The following MRTFA variants were observed in gnomAD, a reference collection of about 807,000 sequenced individuals.
The protein encoded by MRTFA is myocardin related transcription factor A.
In MRTFA, 20 loss-of-function variants were observed where a neutral mutation model predicts 83.5. The ratio of observed to expected loss-of-function variants is 0.24; its 90% confidence interval spans 0.17 to 0.35. The LOEUF (loss-of-function observed/expected upper bound fraction) is 0.35. MRTFA is among the 10% of genes least tolerant of loss of function. MRTFA has a pLI of 1.00. For synonymous variants in MRTFA, 659 were observed against 541.2 expected (o/e 1.22, Z -3.02); for missense variants, 1,200 against 1,224.7 (o/e 0.98, Z 0.30).
At chr22:40,634,347 C>T (rs1491001783) in intron 1 of MRTFA, among the ~76,000 whole-genome samples, 1 of 152,210 alleles carries the variant, frequency 6.6e-6, no homozygotes, top group Non-Finnish European at 1.5e-5. Context: ...CCTGCCTTGG[C>T]CTCCCGAAGT....
chr22:40,445,609 C>T (rs1013136271), intron 4 of MRTFA, among the ~76,000 whole-genome samples: 9 of 151,976 alleles, frequency 5.9e-5, no homozygotes, highest in South Asian at 2.1e-4. Flanking sequence ...ATCTCGATGG[C>T]GCAATCTCGG....
chr22:40,583,690 A>G (rs2055982586), intron 2 of MRTFA, among the ~76,000 whole-genome samples: 1 of 152,188 alleles, frequency 6.6e-6, no homozygotes. Context: ...CAGGAGCACA[A>G]GCCCTACTGT....
intron 3 of MRTFA, among the ~76,000 whole-genome samples, chr22:40,544,685 G>T (rs1302217277): frequency 2.0e-5 from 3 of 152,184 alleles, no homozygotes; most frequent in African/African-American, 4.8e-5. Context: ...ACAATAGAAA[G>T]AGTAGGCAAA....
Position 40,418,782 on chromosome 22 carries a change from C to T in MRTFA, c.1956G>A (p.Lys652=), listed in dbSNP as rs1470330866. 1.9e-6 allele frequency: 3 copies of T among 1,581,098 alleles called. No individual in the cohort carries two copies. In the African/African-American group the frequency reaches 4.0e-5, roughly 21 times the overall value. Residue 652 remains lysine (K), a synonymous_variant, in exon 12 of 15, where the codon AAG becomes AAA. Coordinates refer to ENST00000355630, the MANE Select transcript of MRTFA (RefSeq NM_020831.6). ...CTCGCTTCTCCTGCTCCAGCTGCAGCTTGAGCCGCTCCACCAGCTGCTGCT... is the reference window on the plus strand; with the variant it reads ...CTCGCTTCTCCTGCTCCAGCTGCAGTTTGAGCCGCTCCACCAGCTGCTGCT...
chr22:40,546,525 C>T (rs934221150), intron 3 of MRTFA, among the ~76,000 whole-genome samples: 1 of 152,182 alleles, frequency 6.6e-6, no homozygotes, highest in African/African-American at 2.4e-5. Flanking sequence ...CTTATTTGAT[C>T]TGCAACAAAA....
intron 3 of MRTFA, among the ~76,000 whole-genome samples, chr22:40,473,700 G>C (rs996960594): frequency 1.9e-4 from 29 of 152,188 alleles, no homozygotes; most frequent in Non-Finnish European, 4.0e-4. Context: ...TTGGGTGCTA[G>C]CCTTAAGTGA....
intron 5 of MRTFA, among the ~76,000 whole-genome samples, chr22:40,434,581 G>A (rs978800666): frequency 1.3e-5 from 2 of 152,042 alleles, no homozygotes; most frequent in African/African-American, 4.8e-5. Context: ...AATTACCCAG[G>A]CGTGGTGGCG....
chr22:40,456,367 T>A (rs990577636), intron 4 of MRTFA, among the ~76,000 whole-genome samples: 1 of 152,058 alleles, frequency 6.6e-6, no homozygotes, highest in African/African-American at 2.4e-5. Context: ...CTGCACCTAT[T>A]CTGGTTCGGG....
intron 3 of MRTFA, among the ~76,000 whole-genome samples, chr22:40,470,547 G>A (rs2053892054): frequency 6.6e-6 from 1 of 151,510 alleles, no homozygotes; most frequent in Non-Finnish European, 1.5e-5. Context: ...TAAGAAACTA[G>A]ATGAATATGA....
At chr22:40,619,744 G>T (rs1009716541) in intron 1 of MRTFA, among the ~76,000 whole-genome samples, 1 of 151,692 alleles carries the variant, frequency 6.6e-6, no homozygotes, top group Non-Finnish European at 1.5e-5. Context: ...AAAAAAATTA[G>T]CTGGGCGTGG....
At chr22:40,569,844 C>T (rs12484020) in intron 2 of MRTFA, 1 of 153,136 alleles carries the variant, frequency 6.5e-6, no homozygotes, top group African/African-American at 2.4e-5. Flanking sequence ...GCCCTATACC[C>T]TGGGCCTCAG....
At position 40,463,167 on chromosome 22, in the gene MRTFA, C is replaced by G. The variant is rs147211388; in HGVS notation, c.307+54G>C. The stretch of plus-strand genomic sequence containing the variant: ...TGCTTCCCATGGCATACTCGGTGAA[C>G]ACAGCCATGTCCTAAAAGCAATCTA... On this transcript the variant is annotated intron_variant, in intron 4 of 14. Transcript: ENST00000355630. 1.5e-3 allele frequency: 2,228 copies of G among 1,469,158 alleles called. 17 individuals are homozygous for G. In the African/African-American group the frequency reaches 0.026, roughly 17 times the overall value. 91.0% of individuals were successfully genotyped at this position (1,469,158 alleles called of 1,614,324 possible). A position where few individuals can be genotyped will look rare whatever the true frequency, so the allele number is the denominator to read the frequency against.
chr22:40,533,694 G>A (rs982296475), intron 3 of MRTFA: 9 of 1,055,730 alleles, frequency 8.5e-6, no homozygotes, highest in Non-Finnish European at 1.1e-5. Context: ...AAAGTCACAG[G>A]AGAAAAGCTG....
intron 3 of MRTFA, among the ~76,000 whole-genome samples, chr22:40,540,581 A>C (rs1047324223): frequency 6.6e-6 from 1 of 152,012 alleles, no homozygotes; most frequent in Non-Finnish European, 1.5e-5. Flanking sequence ...GGGGTTCGAG[A>C]CCAACCTGAC....
At chr22:40,493,283 C>A (rs1414299189) in intron 3 of MRTFA, among the ~76,000 whole-genome samples, 1 of 152,224 alleles carries the variant, frequency 6.6e-6, no homozygotes, top group Non-Finnish European at 1.5e-5. Context: ...CCACCATATT[C>A]TTCTCCCTAC....
At chr22:40,413,655 G>C (rs1279166270) in intron 14 of MRTFA, among the ~76,000 whole-genome samples, 1 of 152,112 alleles carries the variant, frequency 6.6e-6, no homozygotes, top group Non-Finnish European at 1.5e-5. Flanking sequence ...ATGTTAGCCA[G>C]GATGGTCTCG....
At position 40,481,025 on chromosome 22, in the gene MRTFA, C is replaced by T. The variant is rs535130973; in HGVS notation, c.242-17739G>A. ...TCCTTGCCTGTAGTCCTAGCTGCTCCGGAAGCTGAGGGGTTGAGGCTGCAG... is the reference window on the plus strand; with the variant it reads ...TCCTTGCCTGTAGTCCTAGCTGCTCTGGAAGCTGAGGGGTTGAGGCTGCAG... On this transcript the variant is annotated intron_variant, in intron 3 of 14. Transcript: ENST00000355630. 1.7e-3 allele frequency among the ~76,000 whole-genome samples: 265 copies of T among 151,970 alleles called. 1 individual carries two copies. In the Middle Eastern group the frequency reaches 0.031, roughly 18 times the overall value.
intron 4 of MRTFA, among the ~76,000 whole-genome samples, chr22:40,450,957 C>A (rs190252475): frequency 6.6e-6 from 1 of 152,288 alleles, no homozygotes; most frequent in Admixed American, 6.5e-5. Context: ...CCCATGACCC[C>A]TCTGAGGCTC....
chr22:40,491,368 G>C (rs1421112668), intron 3 of MRTFA, among the ~76,000 whole-genome samples: 2 of 151,954 alleles, frequency 1.3e-5, no homozygotes, highest in Admixed American at 6.6e-5. Context: ...CCAAGACTAT[G>C]AAGGAAGGCT....
Sources: gnomAD v4.1 joint callset for allele counts (sites outside exome capture counted in the v4.1 genomes callset) on GRCh38, gnomAD v4.1.1 for gene constraint, MANE v1.5 for transcripts, NCBI Gene and HGNC (gene_info 2026-07-23, HGNC 2026-07-21) for gene names.